The following MAP1LC3A variants were observed in gnomAD, a reference collection of about 807,000 sequenced individuals.
MAP1LC3A encodes the protein microtubule-associated protein 1 light chain 3 alpha.
MAP1LC3A carries 10 observed loss-of-function variants against 15.2 expected under a neutral mutation model. That is an observed-to-expected ratio of 0.66 (90% CI 0.41 to 1.12). MAP1LC3A has a LOEUF of 1.12. MAP1LC3A is among the 50% of genes most tolerant of loss of function. The probability of loss-of-function intolerance (pLI) is 0.00; values close to 1 mark genes in which losing one functional copy is unlikely to be tolerated. For missense variants in MAP1LC3A, 138 were observed against 167.3 expected, an observed-to-expected ratio of 0.82 and a Z score of 0.97; for synonymous variants, 63 against 64.3, an observed-to-expected ratio of 0.98 and a Z score of 0.10.
exon 2 of MAP1LC3A, chr20:34,549,907 C>A: frequency 7.2e-7 from 1 of 1,386,782 alleles, no homozygotes; most frequent in Non-Finnish European, 1.0e-6. Context: ...TCCCCCAGGA[C>A]TCCATGGCTT....
chr20:34,552,580 G>A (rs1005432614), intron 2 of MAP1LC3A, among the ~76,000 whole-genome samples: 10 of 152,248 alleles, frequency 6.6e-5, no homozygotes, highest in Non-Finnish European at 8.8e-5. Flanking sequence ...CAGATCCCAC[G>A]GCCTCCTGGG....
At chr20:34,553,347 G>A (rs776726043) in intron 2 of MAP1LC3A, among the ~76,000 whole-genome samples, 6 of 152,044 alleles carry the variant, frequency 3.9e-5, no homozygotes, top group Non-Finnish European at 7.4e-5. Flanking sequence ...TGAAGTAGAG[G>A]TCAGGCCACT....
intron 1 of MAP1LC3A, among the ~76,000 whole-genome samples, chr20:34,547,897 C>G (rs1981799377): frequency 6.6e-6 from 1 of 152,144 alleles, no homozygotes; most frequent in African/African-American, 2.4e-5. Flanking sequence ...CGCACCTGGC[C>G]AGAATGAAAC....
chr20:34,559,277 C>T lies in MAP1LC3A; in HGVS notation c.96+14C>T. The T allele has an allele frequency of 6.3e-7, 1 of 1,598,334 alleles. No individual in the cohort carries two copies. The highest frequency in any genetic ancestry group is 1.1e-5 in the South Asian group (1 of 88,918). ...AGCAAAATCCCGGTGAGTCCCGCACCCCCAGCCCTGCCCCGCCCCCGCCTC... is the reference window on the plus strand; with the variant it reads ...AGCAAAATCCCGGTGAGTCCCGCACTCCCAGCCCTGCCCCGCCCCCGCCTC... On this transcript the variant is annotated intron_variant, in intron 2 of 3. Coordinates refer to ENST00000360668, the MANE Select transcript of MAP1LC3A (RefSeq NM_032514.4).
upstream of MAP1LC3A, among the ~76,000 whole-genome samples, chr20:34,554,072 G>A (rs1377051498): frequency 6.6e-6 from 1 of 152,074 alleles, no homozygotes; most frequent in Admixed American, 6.6e-5. Flanking sequence ...TACACTCCCA[G>A]CAGCAGTGGA....
upstream of MAP1LC3A, among the ~76,000 whole-genome samples, chr20:34,555,527 A>C (rs1337968127): frequency 6.6e-6 from 1 of 151,774 alleles, no homozygotes; most frequent in Non-Finnish European, 1.5e-5. Context: ...TGATTTTCCA[A>C]CCTGGGCCTC....
chr20:34,550,111 A>G, intron 2 of MAP1LC3A: 2 of 1,398,196 alleles, frequency 1.4e-6, no homozygotes, highest in South Asian at 2.3e-5. Context: ...GTGGCCAAGC[A>G]GGCCAGGGTT....
chr20:34,555,593 C>T (rs1982124152), upstream of MAP1LC3A, among the ~76,000 whole-genome samples: 1 of 151,962 alleles, frequency 6.6e-6, no homozygotes, highest in African/African-American at 2.4e-5. Context: ...AAACTCTGCT[C>T]ATGGATTTTC....
chr20:34,560,052 C>A lies in MAP1LC3A; in HGVS notation c.*154C>A. On this transcript the variant is annotated 3_prime_UTR_variant, in exon 4 of 4. Coordinates refer to ENST00000360668, the MANE Select transcript of MAP1LC3A (RefSeq NM_032514.4). ...GAGGGCACCAACCCACCTACTCTGC[C>A]CCTGGGTGGATCCTGGGCCGGTCGT... 2 of 731,760 alleles carry A rather than the reference C, an allele frequency of 2.7e-6. No homozygotes were observed. Among genetic ancestry groups the A allele is most frequent in the Middle Eastern group, 7.9e-4 (2 of 2,530 alleles). The allele number at this position is 731,760 out of a possible 1,614,324, so 45.3% of individuals were successfully genotyped here.
chr20:34,551,884 AAACC>A (rs745801360), intron 2 of MAP1LC3A, among the ~76,000 whole-genome samples: 12 of 152,232 alleles, frequency 7.9e-5, no homozygotes, highest in Non-Finnish European at 1.6e-4. Context: ...GAAAGAAAAA[AAACC>A]AAATACTGAC....
Position 34,560,122 on chromosome 20 carries a change from G to T in MAP1LC3A, c.*224G>T. ...GTGCTGGCTGGTGGGATGGGGGAGGGTGGGGAGCAGCTCCCAGCACCCCTG... is the reference window on the plus strand; with the variant it reads ...GTGCTGGCTGGTGGGATGGGGGAGGTTGGGGAGCAGCTCCCAGCACCCCTG... On this transcript the variant is annotated 3_prime_UTR_variant, in exon 4 of 4. Transcript: ENST00000360668. 9.9e-6 allele frequency: 4 copies of T among 402,960 alleles called. No individual in the cohort carries two copies. Among genetic ancestry groups the T allele is most frequent in the Non-Finnish European group, 1.4e-5 (3 of 220,188 alleles). 25.0% of individuals were successfully genotyped at this position (402,960 alleles called of 1,614,324 possible). A position where few individuals can be genotyped will look rare whatever the true frequency, so the allele number is the denominator to read the frequency against.
chr20:34,558,932 G>A lies in MAP1LC3A; in HGVS notation c.40+24G>A. The A allele has an allele frequency of 7.3e-7, 1 of 1,378,800 alleles. No homozygotes were observed. The highest frequency in any genetic ancestry group is 3.1e-5 in the East Asian group (1 of 32,220). The allele number at this position is 1,378,800 out of a possible 1,614,324, so 85.4% of individuals were successfully genotyped here. On this transcript the variant is annotated intron_variant, in intron 1 of 3. Coordinates refer to ENST00000360668, the MANE Select transcript of MAP1LC3A (RefSeq NM_032514.4). This position sits in a 1 kb window ranked among gnomAD's most constrained non-coding sequence, Gnocchi z 4.3. Reference sequence around the variant, plus strand: ...CGGTGAGGCCCGGCAGGCGAGCTGCGAGCTCTGGGGCAGGGGTGCCGGCCG... The same window carrying A: ...CGGTGAGGCCCGGCAGGCGAGCTGCAAGCTCTGGGGCAGGGGTGCCGGCCG...
chr20:34,549,824 TC>T (rs1981879538), intron 1 of MAP1LC3A: 3 of 635,190 alleles, frequency 4.7e-6, no homozygotes, highest in Non-Finnish European at 8.5e-6. Context: ...CACTTCTGGT[TC>T]AGCCAGTCTT....
chr20:34,547,997 G>A (rs574827875), intron 1 of MAP1LC3A, among the ~76,000 whole-genome samples: 15 of 152,230 alleles, frequency 9.9e-5, no homozygotes, highest in African/African-American at 3.6e-4. Context: ...GTGCCCTCTA[G>A]GGCAGACGAG....
Position 34,559,694 on chromosome 20 carries a change from A to G in MAP1LC3A, c.204-42A>G, listed in dbSNP as rs764138958. On this transcript the variant is annotated intron_variant, in intron 3 of 3. Transcript: ENST00000360668. ...GGGGTCAGGGCTATGTCCGTCCCGC[A>G]GCCAAGCCCCTCACAGCTGCATACT... 3.2e-6 allele frequency: 5 copies of G among 1,568,904 alleles called. No homozygotes were observed. In the South Asian group the frequency reaches 5.9e-5, roughly 18 times the overall value.
chr20:34,559,768 T>C lies in MAP1LC3A; in HGVS notation c.236T>C (p.Phe79Ser), dbSNP rs531845519. The C allele has an allele frequency of 1.2e-6, 2 of 1,612,778 alleles. No homozygotes were observed. Among genetic ancestry groups the C allele is most frequent in the East Asian group, 2.2e-5 (1 of 44,872 alleles). Reference sequence around the variant, plus strand: ...CTGCAGCTGAACCCCACGCAGGCCTTCTTCCTGCTGGTGAACCAGCACAGC... The same window carrying C: ...CTGCAGCTGAACCCCACGCAGGCCTCCTTCCTGCTGGTGAACCAGCACAGC... The part of the protein sequence containing the change: ...RRLQLNPTQA[F>S]FLLVNQHSMV... The change falls in exon 4 of 4, where the codon TTC becomes TCC. Residue 79 changes from phenylalanine to serine, a missense_variant. Coordinates refer to ENST00000360668, the MANE Select transcript of MAP1LC3A (RefSeq NM_032514.4).
Position 34,559,907 on chromosome 20 carries a change from T to C in MAP1LC3A, c.*9T>C, listed in dbSNP as rs770949799. On this transcript the variant is annotated 3_prime_UTR_variant, in exon 4 of 4. Transcript: ENST00000360668. Reference sequence around the variant, plus strand: ...AAACCTTCGGCTTCTGAGCCAGCAGTAGGGGGGCTCGGCCTGGGAGTCGGG... The same window carrying C: ...AAACCTTCGGCTTCTGAGCCAGCAGCAGGGGGGCTCGGCCTGGGAGTCGGG... 2 of 1,607,184 alleles carry C rather than the reference T, an allele frequency of 1.2e-6. No individual in the cohort carries two copies. The highest frequency in any genetic ancestry group is 1.7e-4 in the Middle Eastern group (1 of 5,840).
In MAP1LC3A at chr20:34,560,043, C is replaced by A. The variant is rs1257249012; in HGVS notation, c.*145C>A. 8 of 774,338 alleles carry A rather than the reference C, an allele frequency of 1.0e-5. No homozygotes were observed. Among genetic ancestry groups the A allele is most frequent in the Non-Finnish European group, 1.6e-5 (8 of 497,114 alleles). 48.0% of individuals were successfully genotyped at this position (774,338 alleles called of 1,614,324 possible). A position where few individuals can be genotyped will look rare whatever the true frequency, so the allele number is the denominator to read the frequency against. On this transcript the variant is annotated 3_prime_UTR_variant, in exon 4 of 4. Coordinates refer to ENST00000360668, the MANE Select transcript of MAP1LC3A (RefSeq NM_032514.4). Reference sequence around the variant, plus strand: ...CCCTAGTCAGAGGGCACCAACCCACCTACTCTGCCCCTGGGTGGATCCTGG... The same window carrying A: ...CCCTAGTCAGAGGGCACCAACCCACATACTCTGCCCCTGGGTGGATCCTGG...
intron 1 of MAP1LC3A, 118 bp from the exon 2 acceptor site, chr20:34,559,090 T>G: frequency 1.5e-6 from 2 of 1,329,082 alleles, no homozygotes; most frequent in Middle Eastern, 5.6e-4. Context: ...CTGTGGGGCC[T>G]GATGGCCCCG....
Sources: allele counts gnomAD v4.1 joint callset (sites outside exome capture counted in the v4.1 genomes callset), GRCh38; gene constraint gnomAD v4.1.1; non-coding constraint Gnocchi (gnomAD v3.1); transcripts MANE v1.5; gene names NCBI Gene and HGNC (gene_info 2026-07-23, HGNC 2026-07-21).